Variants in GSK3B observed in about 807,000 individuals in gnomAD.
The protein encoded by GSK3B is glycogen synthase kinase-3 beta.
Under a neutral mutation model 56.4 loss-of-function variants are expected in GSK3B, and 15 were observed. That is an observed-to-expected ratio of 0.27 (90% CI 0.18 to 0.41). The LOEUF (loss-of-function observed/expected upper bound fraction) is 0.41. GSK3B is among the 10% of genes least tolerant of loss of function. The pLI, the probability that GSK3B is intolerant of heterozygous loss-of-function variation, is 1.00. For synonymous variants in GSK3B, 181 were observed against 188.9 expected (o/e 0.96, Z 0.34); for missense variants, 300 against 513.4 (o/e 0.58, Z 4.02).
intron 1 of GSK3B, among the ~76,000 whole-genome samples, chr3:120,051,642 C>G (rs2058150845): frequency 6.6e-6 from 1 of 151,890 alleles, no homozygotes; most frequent in Admixed American, 6.6e-5. Context: ...TGGTGGGCAT[C>G]TGTAATCCCA....
At chr3:120,040,249 CAG>C (rs2058054207) in intron 1 of GSK3B, among the ~76,000 whole-genome samples, 1 of 152,202 alleles carries the variant, frequency 6.6e-6, no homozygotes, top group African/African-American at 2.4e-5. Context: ...TACTGCTGTG[CAG>C]AGTGAGTGGG....
chr3:120,077,495 A>C (rs1394683664), intron 1 of GSK3B, among the ~76,000 whole-genome samples: 2 of 152,176 alleles, frequency 1.3e-5, no homozygotes, highest in African/African-American at 2.4e-5. Context: ...GCAGGGGAGG[A>C]AATGGGGAGA....
intron 2 of GSK3B, among the ~76,000 whole-genome samples, chr3:119,957,364 A>C (rs766001241): frequency 6.6e-6 from 1 of 152,362 alleles, no homozygotes; most frequent in East Asian, 1.9e-4. Context: ...CCAGCACAGA[A>C]AGGGAAATGG....
chr3:119,930,762 C>T (rs1225377858), intron 3 of GSK3B, among the ~76,000 whole-genome samples: 1 of 152,202 alleles, frequency 6.6e-6, no homozygotes, highest in Non-Finnish European at 1.5e-5. Context: ...CAATAAAAAA[C>T]ATCATGCAAC....
chr3:119,916,038 G>C lies in GSK3B; in HGVS notation c.608+6C>G. Reference sequence around the variant, plus strand: ...GGAAGGGGCAGGGAGAGGGACAGTAGCTTACCTTCCAAAGTCACAGAGTTT... The same window carrying C: ...GGAAGGGGCAGGGAGAGGGACAGTACCTTACCTTCCAAAGTCACAGAGTTT... On this transcript the variant is annotated splice_donor_region_variant and intron_variant, in intron 5 of 10. Transcript: ENST00000264235. 6.2e-7 allele frequency: 1 copy of C among 1,608,478 alleles called. No individual in the cohort carries two copies. Among genetic ancestry groups the C allele is most frequent in the Non-Finnish European group, 8.5e-7 (1 of 1,175,650 alleles).
At chr3:119,960,651 T>C (rs2057262939) in intron 2 of GSK3B, among the ~76,000 whole-genome samples, 1 of 152,196 alleles carries the variant, frequency 6.6e-6, no homozygotes. Flanking sequence ...CCCCCTCACA[T>C]ACTTCAGGTA....
intron 10 of GSK3B, among the ~76,000 whole-genome samples, chr3:119,831,860 T>C (rs997042326): frequency 2.0e-5 from 3 of 151,928 alleles, no homozygotes; most frequent in East Asian, 3.9e-4. Context: ...GAAAAACAAG[T>C]AAACAAAAAA....
chr3:119,901,127 T>G (rs968233235), intron 7 of GSK3B, among the ~76,000 whole-genome samples: 1 of 152,204 alleles, frequency 6.6e-6, no homozygotes, highest in Non-Finnish European at 1.5e-5. Context: ...AACATTACAT[T>G]TGGCAAAATT....
intron 6 of GSK3B, among the ~76,000 whole-genome samples, chr3:119,906,230 G>A (rs569333108): frequency 2.0e-5 from 3 of 152,194 alleles, no homozygotes; most frequent in African/African-American, 7.2e-5. Context: ...GGTACTTACA[G>A]AGGAGCAGCA....
intron 7 of GSK3B, among the ~76,000 whole-genome samples, chr3:119,904,483 A>C (rs1240359027): frequency 6.6e-6 from 1 of 152,204 alleles, no homozygotes; most frequent in Non-Finnish European, 1.5e-5. Flanking sequence ...ATGGATAATA[A>C]AGAAGATCGC....
chr3:120,002,801 G>A (rs1475682968), intron 1 of GSK3B, among the ~76,000 whole-genome samples: 1 of 152,310 alleles, frequency 6.6e-6, no homozygotes, highest in Non-Finnish European at 1.5e-5. Context: ...AGACAGTACT[G>A]TTCCCATATT....
At position 119,970,485 on chromosome 3, in the gene GSK3B, C is replaced by T. The variant is rs544493544; in HGVS notation, c.283-23134G>A. Among the ~76,000 whole-genome samples, 5 of 151,896 alleles carry T rather than the reference C, an allele frequency of 3.3e-5. No individual in the cohort carries two copies. The South Asian group carries it at 1.0e-3, about 32-fold the overall frequency. On this transcript the variant is annotated intron_variant, in intron 2 of 10. Coordinates refer to ENST00000264235, the MANE Select transcript of GSK3B (RefSeq NM_001146156.2). ...TGCTGGTGAGAATAAAAAACAAAAACGATCAGCCGGGCGCGGTGGCTCACG... is the reference window on the plus strand; with the variant it reads ...TGCTGGTGAGAATAAAAAACAAAAATGATCAGCCGGGCGCGGTGGCTCACG...
intron 1 of GSK3B, among the ~76,000 whole-genome samples, chr3:120,022,342 GTAAC>G (rs1318883229): frequency 3.9e-5 from 6 of 152,148 alleles, no homozygotes; most frequent in Admixed American, 2.6e-4. Flanking sequence ...TAGTGCAAAC[GTAAC>G]TTTTATATGC....
intron 7 of GSK3B, among the ~76,000 whole-genome samples, chr3:119,877,586 G>C (rs2056329052): frequency 6.6e-6 from 1 of 152,140 alleles, no homozygotes; most frequent in South Asian, 2.1e-4. Context: ...ATCAGGCAAA[G>C]TTTATTTTAA....
At chr3:119,957,434 T>C (rs2057226212) in intron 2 of GSK3B, among the ~76,000 whole-genome samples, 1 of 152,232 alleles carries the variant, frequency 6.6e-6, no homozygotes. Context: ...TTTTATATCC[T>C]GACAGGTAAT....
intron 7 of GSK3B, among the ~76,000 whole-genome samples, chr3:119,904,781 A>G (rs567517704): frequency 2.2e-4 from 33 of 152,228 alleles, no homozygotes; most frequent in Non-Finnish European, 1.5e-5. Flanking sequence ...AATGTAACTA[A>G]AAGGTTATTT....
At chr3:119,942,401 C>T (rs755011632) in intron 3 of GSK3B, among the ~76,000 whole-genome samples, 3 of 152,014 alleles carry the variant, frequency 2.0e-5, no homozygotes, top group African/African-American at 2.4e-5. Flanking sequence ...TGGGTTCAAG[C>T]GATTCTCCTG....
chr3:120,059,122 TATTAA>T (rs1404193788), intron 1 of GSK3B, among the ~76,000 whole-genome samples: 3 of 152,152 alleles, frequency 2.0e-5, no homozygotes, highest in Non-Finnish European at 2.9e-5. Context: ...AGCAAATTGA[TATTAA>T]ATTATGTTCT....
At chr3:120,007,002 C>T (rs944462163) in intron 1 of GSK3B, among the ~76,000 whole-genome samples, 3 of 149,680 alleles carry the variant, frequency 2.0e-5, no homozygotes, top group Non-Finnish European at 4.4e-5. Context: ...GAAAGATCAA[C>T]AAAATAGACC....
Sources: gnomAD v4.1 joint callset for allele counts (sites outside exome capture counted in the v4.1 genomes callset) on GRCh38, gnomAD v4.1.1 for gene constraint, MANE v1.5 for transcripts, NCBI Gene and HGNC (gene_info 2026-07-23, HGNC 2026-07-21) for gene names.